The following AGBL1 variants were observed in gnomAD, a reference collection of about 807,000 sequenced individuals.
AGBL1 encodes the protein AGBL carboxypeptidase 1.
In AGBL1, 130 loss-of-function variants were observed where a neutral mutation model predicts 118.9. The ratio of observed to expected loss-of-function variants is 1.09; its 90% CI spans 0.95 to 1.26. The LOEUF (loss-of-function observed/expected upper bound fraction) is 1.26, where lower values mean the gene tolerates loss of function less well. AGBL1 is among the 50% of genes most tolerant of loss of function. The pLI is 0.00. For synonymous variants in AGBL1, 555 were observed against 478.9 expected, an observed-to-expected ratio of 1.16 and a Z score of -2.08; for missense variants, 1,584 against 1,298.1, an observed-to-expected ratio of 1.22 and a Z score of -3.38.
At chr15:86,644,822 A>G (rs1022827239) in intron 21 of AGBL1, among the ~76,000 whole-genome samples, 3 of 130,908 alleles carry the variant, frequency 2.3e-5, no homozygotes, top group East Asian at 4.6e-4. Context: ...CCTGACTGAC[A>G]TGGTGAAACC....
chr15:86,196,861 GCACATGTGCGCGCGCGCGCACACACACA>G (rs924396547), intron 5 of AGBL1, among the ~76,000 whole-genome samples: 5 of 108,946 alleles, frequency 4.6e-5, no homozygotes, highest in African/African-American at 1.6e-4. Flanking sequence ...ATGCGAATGT[GCACATGTGCGCGCGCGCGCACACACACA>G]CACACACACA....
At chr15:86,840,744 T>C (rs1379379979) in intron 22 of AGBL1, among the ~76,000 whole-genome samples, 2 of 152,148 alleles carry the variant, frequency 1.3e-5, no homozygotes, top group Non-Finnish European at 2.9e-5. Context: ...CCGTCGCAAA[T>C]GCATGTTCTA....
intron 21 of AGBL1, among the ~76,000 whole-genome samples, chr15:86,652,125 C>G (rs926873202): frequency 6.6e-6 from 1 of 152,140 alleles, no homozygotes; most frequent in Non-Finnish European, 1.5e-5. Flanking sequence ...AAGAGTAAGT[C>G]TGACACCTGT....
At chr15:86,296,131 G>A (rs565164578) in intron 17 of AGBL1, 2 of 151,176 alleles carry the variant, frequency 1.3e-5, no homozygotes, top group East Asian at 3.9e-4. Flanking sequence ...CTGTGCCTAA[G>A]TGCATATGTG....
In AGBL1 at chr15:86,316,243, C is replaced by T. The variant is rs114105755; in HGVS notation, c.2374+20835C>T. On this transcript the variant is annotated intron_variant, in intron 17 of 22. Transcript: ENST00000614907. ...ATCTTAATGACTGAAACTCTGTTTC[C>T]GAGTTGAAATAAATCCCAACTCATC... Among the ~76,000 whole-genome samples, 624 of 152,276 alleles carry T rather than the reference C, an allele frequency of 4.1e-3. 6 individuals carry two copies. The highest frequency in any genetic ancestry group is 0.014 in the African/African-American group (583 of 41,554).
intron 18 of AGBL1, among the ~76,000 whole-genome samples, chr15:86,422,717 A>C (rs997880953): frequency 2.6e-5 from 4 of 151,670 alleles, no homozygotes; most frequent in African/African-American, 9.8e-5. Context: ...TAAAAAATAA[A>C]AGAGAGAAGA....
At chr15:86,107,022 A>G (rs530539352) in intron 1 of AGBL1, among the ~76,000 whole-genome samples, 49 of 152,306 alleles carry the variant, frequency 3.2e-4, no homozygotes, top group Admixed American at 5.2e-4. Context: ...GGAGAAGAGT[A>G]TTATAATTCA....
chr15:86,154,357 C>T (rs1189148741), intron 3 of AGBL1, 73 bp from the exon 4 acceptor site: 13 of 1,494,926 alleles, frequency 8.7e-6, no homozygotes, highest in African/African-American at 1.4e-5. Context: ...TCTTCCCCTT[C>T]CTCCACTGTA....
chr15:86,350,541 G>A (rs1033346433), intron 17 of AGBL1, among the ~76,000 whole-genome samples: 1 of 152,198 alleles, frequency 6.6e-6, no homozygotes, highest in East Asian at 1.9e-4. Context: ...TACATAGGCT[G>A]TTTTTCTCTA....
At position 86,827,479 on chromosome 15, in the gene AGBL1, A is replaced by G. The variant is rs1162938711; in HGVS notation, c.3159-79608A>G. ...TATATATATATATATACATATATATATATATGTGTGTATATATATATATAT... is the reference window on the plus strand; with the variant it reads ...TATATATATATATATACATATATATGTATATGTGTGTATATATATATATAT... On this transcript the variant is annotated intron_variant, in intron 22 of 22. Transcript: ENST00000614907. Among the ~76,000 whole-genome samples the G allele has an allele frequency of 2.7e-3, 27 of 10,060 alleles. 4 individuals carry two copies. The highest frequency in any genetic ancestry group is 0.016 in the African/African-American group (27 of 1,696). 6.6% of individuals were successfully genotyped at this position (10,060 alleles called of 152,430 possible).
chr15:86,840,406 C>A (rs969676009), intron 22 of AGBL1, among the ~76,000 whole-genome samples: 4 of 152,052 alleles, frequency 2.6e-5, no homozygotes, highest in Admixed American at 2.6e-4. Context: ...AAGATGCAAC[C>A]CAGGATGCTC....
At chr15:86,603,112 C>T (rs1367366371) in intron 21 of AGBL1, among the ~76,000 whole-genome samples, 1 of 152,150 alleles carries the variant, frequency 6.6e-6, no homozygotes, top group Non-Finnish European at 1.5e-5. Context: ...TTTCTGGCAT[C>T]TCTCAGCCAG....
chr15:86,711,171 A>G (rs1240756971), intron 22 of AGBL1, among the ~76,000 whole-genome samples: 1 of 152,178 alleles, frequency 6.6e-6, no homozygotes, highest in African/African-American at 2.4e-5. Flanking sequence ...GGTACCTTAT[A>G]TATGTTTCAA....
At chr15:86,513,888 A>C (rs1306482089) in intron 18 of AGBL1, among the ~76,000 whole-genome samples, 1 of 152,028 alleles carries the variant, frequency 6.6e-6, no homozygotes, top group East Asian at 1.9e-4. Flanking sequence ...TCATTTCAAC[A>C]TGTCTCCATT....
intron 17 of AGBL1, among the ~76,000 whole-genome samples, chr15:86,323,248 G>A (rs897785227): frequency 4.0e-5 from 6 of 151,840 alleles, no homozygotes; most frequent in African/African-American, 1.2e-4. Flanking sequence ...GTTGCTAGAA[G>A]TGGAAGAGTC....
At chr15:86,838,829 A>AGCT (rs750614947) in intron 22 of AGBL1, among the ~76,000 whole-genome samples, 6 of 150,442 alleles carry the variant, frequency 4.0e-5, no homozygotes, top group Admixed American at 2.0e-4. Flanking sequence ...CTGTGGTCCC[A>AGCT]GCTACTCGGG....
downstream of AGBL1, among the ~76,000 whole-genome samples, chr15:86,919,231 A>C (rs532453770): frequency 2.0e-5 from 3 of 152,206 alleles, no homozygotes; most frequent in Admixed American, 2.0e-4. Context: ...TGGCCCCTTC[A>C]ACAAGACCGC....
intron 22 of AGBL1, among the ~76,000 whole-genome samples, chr15:86,881,497 T>C (rs975833325): frequency 2.0e-5 from 3 of 152,214 alleles, no homozygotes; most frequent in African/African-American, 7.2e-5. Context: ...ACAAAATTGC[T>C]AGCTTGGTTT....
intron 22 of AGBL1, among the ~76,000 whole-genome samples, chr15:86,808,872 A>G (rs1367077288): frequency 6.6e-6 from 1 of 151,720 alleles, no homozygotes; most frequent in Non-Finnish European, 1.5e-5. Context: ...ATCATTGGCA[A>G]TTATGGATGG....
Sources: allele counts gnomAD v4.1 joint callset (sites outside exome capture counted in the v4.1 genomes callset), GRCh38; gene constraint gnomAD v4.1.1; transcripts MANE v1.5; gene names NCBI Gene and HGNC (gene_info 2026-07-23, HGNC 2026-07-21).